Variants in CNTN4 observed in about 807,000 individuals in gnomAD.
CNTN4 encodes contactin-4.
In CNTN4, 77 loss-of-function variants were observed where a neutral mutation model predicts 122.5. That is an observed-to-expected ratio of 0.63 (90% CI 0.52 to 0.76). CNTN4 has a LOEUF of 0.76. Among genes scored for constraint, CNTN4 ranks in the 30% least tolerant of loss-of-function variants. The pLI, the probability that CNTN4 is intolerant of heterozygous loss-of-function variation, is 0.00. For synonymous variants in CNTN4, 512 were observed against 447.0 expected (o/e 1.15, Z -1.83); for missense variants, 1,256 against 1,259.1 (o/e 1.00, Z 0.04).
intron 3 of CNTN4, among the ~76,000 whole-genome samples, chr3:2,526,627 A>C (rs1000762775): frequency 6.6e-6 from 1 of 152,178 alleles, no homozygotes; most frequent in African/African-American, 2.4e-5. Context: ...ATTACATGTA[A>C]ACCAATCATG....
intron 2 of CNTN4, among the ~76,000 whole-genome samples, chr3:2,261,206 G>T (rs2040823006): frequency 6.6e-6 from 1 of 151,834 alleles, no homozygotes; most frequent in Non-Finnish European, 1.5e-5. Flanking sequence ...TGTGGTATTT[G>T]GTGTTATGTA....
At position 2,771,752 on chromosome 3, in the gene CNTN4, A is replaced by G. The variant is rs1254693423; in HGVS notation, c.358+26055A>G. On this transcript the variant is annotated intron_variant, in intron 6 of 24. Coordinates refer to ENST00000418658, the MANE Select transcript of CNTN4 (RefSeq NM_175607.3). ...TTAGTGGAAGAGAAAGACATACAGT[A>G]TTAATTCCAGGATATTATGTGGTAA... Among the ~76,000 whole-genome samples, 8 of 152,332 alleles carry G rather than the reference A, an allele frequency of 5.3e-5. No homozygotes were observed. In the South Asian group the frequency reaches 1.2e-3, roughly 24 times the overall value.
chr3:2,835,001 T>C (rs1485985045), intron 7 of CNTN4, among the ~76,000 whole-genome samples: 1 of 140,192 alleles, frequency 7.1e-6, no homozygotes, highest in Non-Finnish European at 1.5e-5. Context: ...GCCTCCCGGG[T>C]TCACACCATT....
intron 12 of CNTN4, among the ~76,000 whole-genome samples, chr3:2,924,312 C>T (rs1309477098): frequency 2.0e-5 from 3 of 151,912 alleles, no homozygotes; most frequent in Non-Finnish European, 4.4e-5. Flanking sequence ...CCCCATTACC[C>T]CCCAAGCCCC....
chr3:2,475,560 A>G (rs1204251256), intron 3 of CNTN4, among the ~76,000 whole-genome samples: 1 of 152,174 alleles, frequency 6.6e-6, no homozygotes, highest in Non-Finnish European at 1.5e-5. Flanking sequence ...ATGATAGTGC[A>G]CAGATGTTTA....
In CNTN4 at chr3:2,766,774, A is replaced by G. The variant is rs185580522; in HGVS notation, c.358+21077A>G. On this transcript the variant is annotated intron_variant, in intron 6 of 24. Coordinates refer to ENST00000418658, the MANE Select transcript of CNTN4 (RefSeq NM_175607.3). The stretch of plus-strand genomic sequence containing the variant: ...AAAAATTAAAAATTCAGGAGATGCA[A>G]TAGTAGCAGAGCACAACGAAATAAC... 1.5e-3 allele frequency among the ~76,000 whole-genome samples: 223 copies of G among 152,320 alleles called. 1 individual carries two copies. Among genetic ancestry groups the G allele is most frequent in the African/African-American group, 5.2e-3 (215 of 41,580 alleles).
Position 2,104,255 on chromosome 3 carries a change from T to TGC in CNTN4, c.-145+3618_-145+3619dup, listed in dbSNP as rs66645814. On this transcript the variant is annotated intron_variant, in intron 2 of 24. Coordinates refer to ENST00000418658, the MANE Select transcript of CNTN4 (RefSeq NM_175607.3). The stretch of plus-strand genomic sequence containing the variant: ...GTGTGTGTGTGTGTGTGTGTGTGTG[T>TGC]GCGTTTCAAGTCCCTTCTTATGATT... Among the ~76,000 whole-genome samples the TGC allele has an allele frequency of 7.1e-3, 680 of 95,228 alleles. 10 individuals carry two copies. Among genetic ancestry groups the TGC allele is most frequent in the African/African-American group, 0.02 (654 of 33,348 alleles). The allele number at this position is 95,228 out of a possible 152,430, so 62.5% of individuals were successfully genotyped here. A position where few individuals can be genotyped will look rare whatever the true frequency, so the allele number is the denominator to read the frequency against.
intron 4 of CNTN4, among the ~76,000 whole-genome samples, chr3:2,618,781 G>T (rs372251407): frequency 6.6e-6 from 1 of 152,218 alleles, no homozygotes; most frequent in African/African-American, 2.4e-5. Context: ...TTCATTCAGT[G>T]TTCCAATCTA....
At chr3:2,736,114 T>G in intron 4 of CNTN4, 101 bp from the exon 5 acceptor site, 1 of 1,224,656 alleles carries the variant, frequency 8.2e-7, no homozygotes, top group South Asian at 1.2e-5. Flanking sequence ...TACTATTTTT[T>G]GTTAATTTCT....
chr3:2,323,023 T>C (rs991391528), intron 2 of CNTN4, among the ~76,000 whole-genome samples: 1 of 152,078 alleles, frequency 6.6e-6, no homozygotes, highest in Non-Finnish European at 1.5e-5. Context: ...GGCCCAAAAT[T>C]GCCATCTCAG....
At chr3:2,328,298 C>T (rs868794482) in intron 2 of CNTN4, among the ~76,000 whole-genome samples, 30 of 150,308 alleles carry the variant, frequency 2.0e-4, no homozygotes, top group African/African-American at 4.9e-4. Flanking sequence ...CCCAGCTACT[C>T]GGGAGGCTGA....
chr3:3,043,178 G>C lies in CNTN4; in HGVS notation c.2698+15G>C. On this transcript the variant is annotated intron_variant, in intron 22 of 24. Transcript: ENST00000418658. ...CCGAAAGCCACGTAAGAACAGACTT[G>C]CTCAGAAATATTTTGGGGATTCATC... 2 of 1,613,700 alleles carry C rather than the reference G, an allele frequency of 1.2e-6. No individual in the cohort carries two copies. Among genetic ancestry groups the C allele is most frequent in the Non-Finnish European group, 1.7e-6 (2 of 1,179,776 alleles).
At chr3:2,367,696 G>T (rs1392356029) in intron 3 of CNTN4, among the ~76,000 whole-genome samples, 1 of 152,116 alleles carries the variant, frequency 6.6e-6, no homozygotes, top group Non-Finnish European at 1.5e-5. Context: ...TGTTGACCAG[G>T]CTGGTCTCGA....
intron 2 of CNTN4, among the ~76,000 whole-genome samples, chr3:2,298,228 ACCT>A (rs1348655551): frequency 2.6e-5 from 4 of 152,086 alleles, no homozygotes; most frequent in Non-Finnish European, 2.9e-5. Context: ...TATAATTTTA[ACCT>A]CCTCCTTTAA....
intron 14 of CNTN4, among the ~76,000 whole-genome samples, chr3:3,003,908 C>G (rs1379184185): frequency 6.6e-6 from 1 of 151,872 alleles, no homozygotes; most frequent in Non-Finnish European, 1.5e-5. Context: ...CGCCAGCACG[C>G]CACCAAGCCC....
chr3:2,554,608 A>G (rs1203295656), intron 3 of CNTN4, among the ~76,000 whole-genome samples: 1 of 152,144 alleles, frequency 6.6e-6, no homozygotes, highest in East Asian at 1.9e-4. Flanking sequence ...GTAAATATAT[A>G]TATTTTTTAT....
intron 4 of CNTN4, among the ~76,000 whole-genome samples, chr3:2,693,359 A>C (rs2085847558): frequency 6.6e-6 from 1 of 152,180 alleles, no homozygotes; most frequent in Non-Finnish European, 1.5e-5. Context: ...TAGTTGCTTT[A>C]AATCAAATAT....
At chr3:2,554,667 T>G (rs2078648695) in intron 3 of CNTN4, among the ~76,000 whole-genome samples, 2 of 152,138 alleles carry the variant, frequency 1.3e-5, no homozygotes, top group Admixed American at 1.3e-4. Flanking sequence ...TGCTATAGTA[T>G]CACAAAAGCA....
chr3:2,144,004 C>T (rs796214954), intron 2 of CNTN4: 11 of 152,312 alleles, frequency 7.2e-5, no homozygotes, highest in African/African-American at 2.6e-4. Context: ...TTCTGAGCCT[C>T]CTTTCTGGGT....
Sources: allele counts gnomAD v4.1 joint callset (sites outside exome capture counted in the v4.1 genomes callset), GRCh38; gene constraint gnomAD v4.1.1; transcripts MANE v1.5; gene names NCBI Gene and HGNC (gene_info 2026-07-23, HGNC 2026-07-21).